Variants in NXF1 observed in about 807,000 individuals in gnomAD.
The protein encoded by NXF1 is nuclear RNA export factor 1, also known as mRNA export factor TAP.
A neutral mutation model predicts 92.4 loss-of-function variants in NXF1; 43 were observed. The ratio of observed to expected loss-of-function variants is 0.47; its 90% confidence interval spans 0.36 to 0.60. NXF1 has a LOEUF of 0.60. Ranked by LOEUF, NXF1 falls within the 20% of genes least tolerant of loss-of-function variation. NXF1 has a pLI of 0.00. For synonymous variants in NXF1, 288 were observed against 292.2 expected, an observed-to-expected ratio of 0.99 and a Z score of 0.15; for missense variants, 576 against 793.0, an observed-to-expected ratio of 0.73 and a Z score of 3.29.
Position 62,803,556 on chromosome 11 carries a change from G to A in NXF1, c.232C>T (p.Arg78Ter), listed in dbSNP as rs1222961050. Reference sequence around the variant, plus strand: ...CAAGTATCACCCCGACGGTTAGGTCGGGTGGTATAGGGGTTGCTGTGGGTA... The same window carrying A: ...CAAGTATCACCCCGACGGTTAGGTCAGGTGGTATAGGGGTTGCTGTGGGTA... ...PRVRYNPYTT[R>*]PNRRGDTWHD... Residue 78 changes from arginine (R) to a stop codon, truncating the protein, a stop_gained, in exon 3 of 21, where the codon CGA (arginine) becomes TGA (stop). Transcript: ENST00000294172. LOFTEE classifies it high-confidence loss of function. The A allele has an allele frequency of 6.2e-7, 1 of 1,614,010 alleles. No homozygotes were observed.
intron 3 of NXF1, 35 bp downstream of exon 3, chr11:62,803,384 C>A: frequency 6.3e-7 from 1 of 1,575,178 alleles, no homozygotes; most frequent in East Asian, 2.3e-5. Flanking sequence ...GGCCTCCTAT[C>A]TCTACTGTAC....
chr11:62,795,789 G>T, intron 17 of NXF1, 112 bp downstream of exon 17: 1 of 1,032,516 alleles, frequency 9.7e-7, no homozygotes. Context: ...AATGGGAGAA[G>T]GAGCTCAAAA....
At chr11:62,796,422 C>T in intron 14 of NXF1, 38 bp downstream of exon 14, 2 of 1,612,902 alleles carry the variant, frequency 1.2e-6, no homozygotes, top group Non-Finnish European at 1.7e-6. Flanking sequence ...GCTGGGAAAC[C>T]CAGTGGTCCC....
intron 19 of NXF1, 145 bp downstream of exon 19, chr11:62,794,113 G>A (rs529256089): frequency 3.8e-5 from 25 of 653,132 alleles, no homozygotes; most frequent in Middle Eastern, 9.1e-4. Flanking sequence ...GCTACAGTGA[G>A]TTATGATCAC....
chr11:62,793,313 G>C (rs28400288), intron 19 of NXF1, among the ~76,000 whole-genome samples: 2 of 152,120 alleles, frequency 1.3e-5, no homozygotes, highest in Non-Finnish European at 1.5e-5. Flanking sequence ...TCTTGACCTC[G>C]TGATCTGGCC....
At chr11:62,805,196 C>T (rs572173005) in intron 1 of NXF1, 133 bp downstream of exon 1, 3 of 781,392 alleles carry the variant, frequency 3.8e-6, no homozygotes, top group East Asian at 7.1e-5. Flanking sequence ...CCTCGAGTGC[C>T]CGGCCCCCCG....
At chr11:62,795,127 ATATAAGGG>A (rs2084406918) in intron 17 of NXF1, 120 bp from the exon 18 acceptor site, 2 of 936,288 alleles carry the variant, frequency 2.1e-6, no homozygotes, top group Non-Finnish European at 3.3e-6. Flanking sequence ...ATGATTAAGT[ATATAAGGG>A]TATAAGGGAA....
At chr11:62,798,645 A>G in intron 10 of NXF1, 70 bp from the exon 11 acceptor site, 1 of 1,605,050 alleles carries the variant, frequency 6.2e-7, no homozygotes, top group Non-Finnish European at 8.5e-7. Flanking sequence ...TCTAGGAGCA[A>G]ATATACCAAA....
intron 9 of NXF1, 116 bp downstream of exon 9, chr11:62,800,978 T>G (rs2084472211): frequency 2.6e-6 from 2 of 776,646 alleles, no homozygotes; most frequent in Non-Finnish European, 4.3e-6. Context: ...AGGATTAGAG[T>G]TGCAAACCAG....
Position 62,800,244 on chromosome 11 carries a change from C to T in NXF1, c.1016+133G>A, listed in dbSNP as rs566596814. The T allele has an allele frequency of 1.1e-4, 162 of 1,488,040 alleles. No individual in the cohort carries two copies. The South Asian group carries it at 1.6e-3, about 15-fold the overall frequency. 92.2% of individuals were successfully genotyped at this position (1,488,040 alleles called of 1,614,324 possible). ...CAGACAGACCAAAGTGGGGAGCACG[C>T]GATCCTCTCAAAGGACAGGTGGTTC... is the stretch of plus-strand genomic sequence containing the variant. On this transcript the variant is annotated intron_variant, in intron 10 of 20. Coordinates refer to ENST00000294172, the MANE Select transcript of NXF1 (RefSeq NM_006362.5).
intron 17 of NXF1, among the ~76,000 whole-genome samples, chr11:62,795,640 G>A (rs1055419820): frequency 6.6e-6 from 1 of 152,132 alleles, no homozygotes; most frequent in Admixed American, 6.5e-5. Context: ...AATGTTACTT[G>A]TCCACAGCCC....
In NXF1 at chr11:62,792,413, C is replaced by T; in HGVS notation, c.*63G>A. ...CCAGACAGGAGGAGATGACAGACGA[C>T]AACCAGACGGTAATATCCAAGGACT... On this transcript the variant is annotated 3_prime_UTR_variant, in exon 21 of 21. Transcript: ENST00000294172. 1 of 1,601,550 alleles carries T rather than the reference C, an allele frequency of 6.2e-7. No individual in the cohort carries two copies. The highest frequency in any genetic ancestry group is 1.7e-5 in the Admixed American group (1 of 60,012).
At chr11:62,801,911 C>A in intron 5 of NXF1, 31 bp downstream of exon 5, 1 of 1,610,752 alleles carries the variant, frequency 6.2e-7, no homozygotes, top group Non-Finnish European at 8.5e-7. Context: ...CCAACCTCCA[C>A]CTCCAGCCAA....
At chr11:62,801,498 T>C (rs1433441068) in intron 7 of NXF1, 64 bp downstream of exon 7, 1 of 1,607,920 alleles carries the variant, frequency 6.2e-7, no homozygotes, top group Non-Finnish European at 8.5e-7. Context: ...ATCCTCAAAC[T>C]TTCCCTCCCT....
intron 18 of NXF1, 80 bp from the exon 19 acceptor site, chr11:62,794,520 C>G (rs2084401179): frequency 7.8e-7 from 1 of 1,284,874 alleles, no homozygotes; most frequent in Non-Finnish European, 1.1e-6. Context: ...CTGATTCTTT[C>G]AATATCCACA....
At chr11:62,802,931 C>T (rs2084495043) in intron 3 of NXF1, among the ~76,000 whole-genome samples, 1 of 152,182 alleles carries the variant, frequency 6.6e-6, no homozygotes, top group Admixed American at 6.5e-5. Flanking sequence ...TCATATTTCT[C>T]TTCCACCCCT....
At chr11:62,798,030 G>A (rs747427218) in intron 11 of NXF1, among the ~76,000 whole-genome samples, 1 of 151,626 alleles carries the variant, frequency 6.6e-6, no homozygotes, top group Non-Finnish European at 1.5e-5. Flanking sequence ...CTACTCAGGA[G>A]GCTGAGGCAG....
At chr11:62,795,803 A>C in intron 17 of NXF1, 98 bp downstream of exon 17, 1 of 1,213,262 alleles carries the variant, frequency 8.2e-7, no homozygotes, top group Non-Finnish European at 1.2e-6. Flanking sequence ...CTCAAAAAGA[A>C]AATGGGAGAG....
chr11:62,792,809 A>T (rs1229073979), intron 19 of NXF1, 108 bp from the exon 20 acceptor site: 1 of 890,994 alleles, frequency 1.1e-6, no homozygotes, highest in East Asian at 2.4e-5. Flanking sequence ...GTACATTCTT[A>T]TACATCCTTG....
Sources: allele counts gnomAD v4.1 joint callset (sites outside exome capture counted in the v4.1 genomes callset), GRCh38; gene constraint gnomAD v4.1.1; transcripts MANE v1.5; gene names NCBI Gene and HGNC (gene_info 2026-07-23, HGNC 2026-07-21).